SDK2: variants seen among roughly 807,000 people sequenced by gnomAD.
SDK2 encodes sidekick cell adhesion molecule 2, also known as protein sidekick-2.
In SDK2, 105 loss-of-function variants were observed where a neutral mutation model predicts 253.9. That is an observed-to-expected ratio of 0.41 (90% confidence interval 0.35 to 0.49). SDK2 has a LOEUF of 0.49. SDK2 is among the 20% of genes least tolerant of loss of function. The pLI is 0.06. For missense variants in SDK2, 2,608 were observed against 3,003.0 expected (o/e 0.87, Z 3.07); for synonymous variants, 1,249 against 1,234.9 (o/e 1.01, Z -0.24).
At chr17:73,617,122 G>A (rs1320106642) in intron 1 of SDK2, among the ~76,000 whole-genome samples, 1 of 152,080 alleles carries the variant, frequency 6.6e-6, no homozygotes, top group African/African-American at 2.4e-5. Flanking sequence ...GGCTGTAGAG[G>A]GGAAGGGAGA....
intron 3 of SDK2, among the ~76,000 whole-genome samples, chr17:73,458,395 C>T (rs1240206894): frequency 1.3e-5 from 2 of 152,206 alleles, no homozygotes; most frequent in East Asian, 3.9e-4. Context: ...CACAGAAAGG[C>T]CCGTCTGGCT....
chr17:73,420,931 C>G lies in SDK2; in HGVS notation c.2045+1356G>C, dbSNP rs148984398. Among the ~76,000 whole-genome samples the G allele has an allele frequency of 7.6e-3, 1,157 of 152,352 alleles. 14 individuals are homozygous for G. Among genetic ancestry groups the G allele is most frequent in the African/African-American group, 0.027 (1,115 of 41,574 alleles). On this transcript the variant is annotated intron_variant, in intron 15 of 44. Coordinates refer to ENST00000392650, the MANE Select transcript of SDK2 (RefSeq NM_001144952.2). Reference sequence around the variant, plus strand: ...CCTCAAGTGATCCGCCCCCCTCAGCCTCCCAAAGTGCTGGGATTACAAGCG... The same window carrying G: ...CCTCAAGTGATCCGCCCCCCTCAGCGTCCCAAAGTGCTGGGATTACAAGCG...
At chr17:73,595,009 T>A (rs536324606) in intron 1 of SDK2, among the ~76,000 whole-genome samples, 1 of 152,290 alleles carries the variant, frequency 6.6e-6, no homozygotes, top group Admixed American at 6.5e-5. Flanking sequence ...CTCTGCTCTG[T>A]GGATCACCTC....
intron 1 of SDK2, among the ~76,000 whole-genome samples, chr17:73,526,782 T>C (rs1278091010): frequency 1.3e-5 from 2 of 152,326 alleles, no homozygotes; most frequent in East Asian, 1.9e-4. Context: ...ATCTCCAGCC[T>C]TTCTTAGAGG....
chr17:73,373,485 T>C (rs923241588), intron 36 of SDK2, among the ~76,000 whole-genome samples: 1 of 152,186 alleles, frequency 6.6e-6, no homozygotes, highest in East Asian at 1.9e-4. Flanking sequence ...ACCAACAGCG[T>C]GCAAAGGTTC....
At chr17:73,590,042 G>A (rs2045660878) in intron 1 of SDK2, among the ~76,000 whole-genome samples, 1 of 152,232 alleles carries the variant, frequency 6.6e-6, no homozygotes, top group African/African-American at 2.4e-5. Flanking sequence ...GGCCAGAAAG[G>A]ATACAGCCAG....
intron 1 of SDK2, among the ~76,000 whole-genome samples, chr17:73,573,658 C>A (rs112547319): frequency 6.6e-6 from 1 of 152,358 alleles, no homozygotes; most frequent in African/African-American, 2.4e-5. Flanking sequence ...ACCACAGCCT[C>A]CTCCCAGGCA....
At chr17:73,397,764 T>C (rs1165736008) in intron 24 of SDK2, among the ~76,000 whole-genome samples, 1 of 152,206 alleles carries the variant, frequency 6.6e-6, no homozygotes, top group African/African-American at 2.4e-5. Context: ...CATGTATCCT[T>C]TGTAAGATTA....
At chr17:73,438,255 C>T in intron 6 of SDK2, 101 bp from the exon 7 acceptor site, 1 of 1,176,754 alleles carries the variant, frequency 8.5e-7, no homozygotes, top group Non-Finnish European at 1.2e-6. Flanking sequence ...GGGAGCCGGG[C>T]TGCCTGGGTT....
intron 18 of SDK2, among the ~76,000 whole-genome samples, chr17:73,412,212 A>G (rs2063145129): frequency 6.7e-6 from 1 of 149,400 alleles, no homozygotes; most frequent in Admixed American, 6.7e-5. Flanking sequence ...ATATATGTAT[A>G]TGCATATACA....
chr17:73,628,395 C>T (rs764953614), intron 1 of SDK2, among the ~76,000 whole-genome samples: 4 of 152,352 alleles, frequency 2.6e-5, no homozygotes, highest in South Asian at 2.1e-4. Context: ...AATATGCTTC[C>T]TCCTAGACGC....
intron 1 of SDK2, among the ~76,000 whole-genome samples, chr17:73,530,676 T>G (rs535365395): frequency 2.1e-4 from 32 of 152,274 alleles, no homozygotes; most frequent in Non-Finnish European, 4.4e-4. Context: ...ACCACATGCA[T>G]CCCTTTCACC....
chr17:73,370,889 C>T (rs2062729493), intron 36 of SDK2, among the ~76,000 whole-genome samples: 1 of 151,604 alleles, frequency 6.6e-6, no homozygotes, highest in Non-Finnish European at 1.5e-5. Flanking sequence ...ATGGCAAGAC[C>T]CCTGTCTCTA....
At chr17:73,386,946 T>C (rs1346726966) in intron 30 of SDK2, among the ~76,000 whole-genome samples, 1 of 152,174 alleles carries the variant, frequency 6.6e-6, no homozygotes, top group East Asian at 1.9e-4. Context: ...TTCTTTTTTT[T>C]TGTTTGAGAT....
chr17:73,597,332 A>C (rs929522950), intron 1 of SDK2, among the ~76,000 whole-genome samples: 7 of 152,162 alleles, frequency 4.6e-5, no homozygotes, highest in African/African-American at 1.7e-4. Flanking sequence ...GAAACCTGTG[A>C]CCAAGTCTCA....
At position 73,415,350 on chromosome 17, in the gene SDK2, CTTT is replaced by C. The variant is rs35201251; in HGVS notation, c.2368+458_2368+460del. ...CATAGTCTCTTTTCATTTCATTTCA[CTTT>C]TTTTTTTTTTTTTTTTTGAGACAGA... On this transcript the variant is annotated intron_variant, in intron 17 of 44. Transcript: ENST00000392650. Among the ~76,000 whole-genome samples, 4 of 122,098 alleles carry C rather than the reference CTTT, an allele frequency of 3.3e-5. No homozygotes were observed. In the South Asian group the frequency reaches 7.9e-4, roughly 24 times the overall value. The allele number at this position is 122,098 out of a possible 152,430, so 80.1% of individuals were successfully genotyped here.
intron 1 of SDK2, chr17:73,516,821 A>T (rs1228410534): frequency 6.6e-6 from 1 of 152,260 alleles, no homozygotes; most frequent in Admixed American, 6.5e-5. Context: ...AGCGTGTTTG[A>T]AAAGCATCTA....
intron 14 of SDK2, among the ~76,000 whole-genome samples, chr17:73,422,657 T>C (rs1414406366): frequency 6.6e-6 from 1 of 152,190 alleles, no homozygotes; most frequent in East Asian, 1.9e-4. Flanking sequence ...TAAGGGCTTA[T>C]GGGAACTGAG....
At chr17:73,507,291 G>T in intron 2 of SDK2, 147 bp downstream of exon 2, 1 of 830,398 alleles carries the variant, frequency 1.2e-6, no homozygotes, top group Non-Finnish European at 1.8e-6. Flanking sequence ...TTGGGGCAGG[G>T]CTGCCTTTGC....
Sources: allele counts gnomAD v4.1 joint callset (sites outside exome capture counted in the v4.1 genomes callset), GRCh38; gene constraint gnomAD v4.1.1; transcripts MANE v1.5; gene names NCBI Gene and HGNC (gene_info 2026-07-23, HGNC 2026-07-21).